NSMAF: variants seen among roughly 807,000 people sequenced by gnomAD.
The protein encoded by NSMAF is protein FAN.
In NSMAF, 90 loss-of-function variants were observed where a neutral mutation model predicts 134.9. The observed-to-expected ratio is 0.67, with a 90% CI of 0.56 to 0.79. The LOEUF (loss-of-function observed/expected upper bound fraction) is 0.79. Ranked by LOEUF, NSMAF falls within the 30% of genes least tolerant of loss-of-function variation. NSMAF has a pLI of 0.00. For missense variants in NSMAF, 1,010 were observed against 1,119.0 expected (o/e 0.90, Z 1.39); for synonymous variants, 358 against 389.6 (o/e 0.92, Z 0.96).
At chr8:58,588,326 G>A in intron 26 of NSMAF, 1 of 741,428 alleles carries the variant, frequency 1.3e-6, no homozygotes, top group South Asian at 1.6e-5. Context: ...ACTTTAACTT[G>A]ACATTTTCTT....
intron 11 of NSMAF, among the ~76,000 whole-genome samples, 178 bp from the exon 12 acceptor site, chr8:58,606,213 C>T (rs962095775): frequency 3.3e-5 from 5 of 151,418 alleles, no homozygotes; most frequent in Non-Finnish European, 5.9e-5. Flanking sequence ...TATACGTTTG[C>T]GTATATATAT....
rs1332813468 is a variant in NSMAF at position 58,635,606 on chromosome 8, TA to T, written c.150-61del. On this transcript the variant is annotated intron_variant, in intron 2 of 30. Coordinates refer to ENST00000038176, the MANE Select transcript of NSMAF (RefSeq NM_003580.4). ...CATAACAAAAATCACAAGATAATCA[TA>T]GTACATTTTAACTAGAAAGCAGGTT... 18 of 1,015,978 alleles carry T rather than the reference TA, an allele frequency of 1.8e-5. No homozygotes were observed. In the African/African-American group the frequency reaches 2.7e-4, roughly 16 times the overall value. 62.9% of individuals were successfully genotyped at this position (1,015,978 alleles called of 1,614,324 possible). A position where few individuals can be genotyped will look rare whatever the true frequency, so the allele number is the denominator to read the frequency against.
chr8:58,587,520 T>C, intron 27 of NSMAF, 98 bp downstream of exon 27: 2 of 891,690 alleles, frequency 2.2e-6, no homozygotes, highest in Non-Finnish European at 3.6e-6. Flanking sequence ...ATTAACCAAA[T>C]AAAGCAAAAC....
chr8:58,635,056 C>A, intron 5 of NSMAF, 133 bp downstream of exon 5: 1 of 714,392 alleles, frequency 1.4e-6, no homozygotes, highest in South Asian at 1.9e-5. Flanking sequence ...CTATATTTCT[C>A]AATGACTGAA....
intron 6 of NSMAF, among the ~76,000 whole-genome samples, chr8:58,626,188 T>A (rs1806926345): frequency 6.9e-6 from 1 of 145,332 alleles, no homozygotes; most frequent in African/African-American, 2.5e-5. Flanking sequence ...AAGCTCTGCC[T>A]CCTGGGTTCA....
At chr8:58,596,617 A>G (rs1184089925) in intron 21 of NSMAF, among the ~76,000 whole-genome samples, 3 of 152,188 alleles carry the variant, frequency 2.0e-5, no homozygotes, top group African/African-American at 7.2e-5. Flanking sequence ...AATGAAGAAG[A>G]GAGAGCACTT....
intron 6 of NSMAF, among the ~76,000 whole-genome samples, chr8:58,626,034 A>C (rs1806920970): frequency 7.0e-6 from 1 of 143,282 alleles, no homozygotes; most frequent in African/African-American, 2.6e-5. Flanking sequence ...TAGTTTTTTT[A>C]TCCGTCATCA....
At chr8:58,600,793 T>A (rs2129141044) in intron 16 of NSMAF, among the ~76,000 whole-genome samples, 1 of 152,136 alleles carries the variant, frequency 6.6e-6, no homozygotes, top group Middle Eastern at 3.4e-3. Flanking sequence ...CTTATTTCCT[T>A]TTTTATAGTT....
intron 1 of NSMAF, among the ~76,000 whole-genome samples, chr8:58,649,911 GACA>G (rs753026442): frequency 2.6e-5 from 4 of 152,190 alleles, no homozygotes; most frequent in Non-Finnish European, 4.4e-5. Context: ...GGGGACTGGT[GACA>G]ACAACTTCCT....
chr8:58,584,828 G>A (rs1805848552), intron 30 of NSMAF, among the ~76,000 whole-genome samples: 1 of 152,168 alleles, frequency 6.6e-6, no homozygotes, highest in Non-Finnish European at 1.5e-5. Flanking sequence ...AGTAAGAGAT[G>A]AGGTTTCGCT....
intron 21 of NSMAF, among the ~76,000 whole-genome samples, chr8:58,596,328 G>A (rs1806133975): frequency 2.0e-5 from 3 of 152,204 alleles, no homozygotes; most frequent in Non-Finnish European, 4.4e-5. Flanking sequence ...TGCCTAAAAT[G>A]TCTGGATGTC....
intron 1 of NSMAF, among the ~76,000 whole-genome samples, chr8:58,646,776 A>G (rs1195232536): frequency 6.6e-6 from 1 of 152,100 alleles, no homozygotes; most frequent in African/African-American, 2.4e-5. Context: ...TTGTAATTGG[A>G]TGGTCTCATC....
intron 1 of NSMAF, chr8:58,659,178 C>T: frequency 7.1e-7 from 1 of 1,414,884 alleles, no homozygotes; most frequent in Non-Finnish European, 9.1e-7. Flanking sequence ...GGGGTGCCCG[C>T]CGGGCAGCGT....
At chr8:58,615,879 C>CA (rs1806643358) in intron 9 of NSMAF, among the ~76,000 whole-genome samples, 1 of 151,990 alleles carries the variant, frequency 6.6e-6, no homozygotes, top group East Asian at 1.9e-4. Flanking sequence ...AAAATGTGGT[C>CA]ATTTGAAAGA....
Position 58,653,106 on chromosome 8 carries a change from C to T in NSMAF, c.59+6467G>A, listed in dbSNP as rs142942697. 5.6e-3 allele frequency among the ~76,000 whole-genome samples: 847 copies of T among 152,118 alleles called. 7 individuals carry two copies. Among genetic ancestry groups the T allele is most frequent in the African/African-American group, 0.019 (794 of 41,472 alleles). Reference sequence around the variant, plus strand: ...ATGGGGGCACAGCAGTTAAGTGTTCCAAGGTTCTTACACTGGTAGAGAGGA... The same window carrying T: ...ATGGGGGCACAGCAGTTAAGTGTTCTAAGGTTCTTACACTGGTAGAGAGGA... On this transcript the variant is annotated intron_variant, in intron 1 of 30. Transcript: ENST00000038176.
In NSMAF at chr8:58,603,362, G is replaced by C. The variant is rs769045449; in HGVS notation, c.893C>G (p.Ala298Gly). The change falls in exon 13 of 31, where the codon GCT becomes GGT. Residue 298 changes from alanine to glycine, a missense_variant. Physicochemically the swap from Ala to Gly is moderately conservative, Grantham distance 60 (BLOSUM62 0). Coordinates refer to ENST00000038176, the MANE Select transcript of NSMAF (RefSeq NM_003580.4). ...YLEHHVAEHT[A>G]ESYMLQWQRG... ...CTGCCACTGCAGCATGTAGCTCTCA[G>C]CAGTGTGCTCCGCCACATGGTGCTC... 3.1e-6 allele frequency: 5 copies of C among 1,613,888 alleles called. No individual in the cohort carries two copies. In the African/African-American group the frequency reaches 5.3e-5, roughly 17 times the overall value.
chr8:58,616,269 T>G (rs1217767867), intron 9 of NSMAF, among the ~76,000 whole-genome samples: 5 of 152,122 alleles, frequency 3.3e-5, no homozygotes, highest in Non-Finnish European at 5.9e-5. Context: ...TCCATACTAT[T>G]ATGAGGTCAG....
rs78576678 is a variant in NSMAF, at chr8:58,610,707, C to T, written c.558-974G>A. ...GAGAGATCTTCAGGGAAATGGAAAG[C>T]CAGAGTTGAGACTGGAGAGCAAAGA... On this transcript the variant is annotated intron_variant, in intron 9 of 30. Coordinates refer to ENST00000038176, the MANE Select transcript of NSMAF (RefSeq NM_003580.4). Among the ~76,000 whole-genome samples the T allele has an allele frequency of 3.3e-3, 509 of 152,228 alleles. 1 individual carries two copies. The highest frequency in any genetic ancestry group is 0.012 in the African/African-American group (491 of 41,532).
chr8:58,631,347 C>G, intron 6 of NSMAF, 149 bp downstream of exon 6: 3 of 424,890 alleles, frequency 7.1e-6, no homozygotes, highest in Non-Finnish European at 1.3e-5. Context: ...CTGTGGCTCC[C>G]TTGGGTAATT....
Sources: allele counts gnomAD v4.1 joint callset (sites outside exome capture counted in the v4.1 genomes callset), GRCh38; gene constraint gnomAD v4.1.1; transcripts MANE v1.5; gene names NCBI Gene and HGNC (gene_info 2026-07-23, HGNC 2026-07-21).